Variants in RPS6KA3 observed in about 807,000 individuals in gnomAD.
RPS6KA3 encodes the protein ribosomal protein S6 kinase A3, also known as ribosomal protein S6 kinase alpha-3.
RPS6KA3 carries 4 observed loss-of-function variants against 67.2 expected under a neutral mutation model. That is an observed-to-expected ratio of 0.06 (90% CI 0.03 to 0.14). RPS6KA3 has a LOEUF of 0.14. Among genes scored for constraint, RPS6KA3 ranks in the 10% least tolerant of loss-of-function variants. The probability of loss-of-function intolerance (pLI) is 1.00; values close to 1 mark genes in which losing one functional copy is unlikely to be tolerated. For missense variants in RPS6KA3, 204 were observed against 559.0 expected (o/e 0.36, Z 6.40); for synonymous variants, 182 against 183.7 (o/e 0.99, Z 0.07).
intron 1 of RPS6KA3, among the ~76,000 whole-genome samples, chrX:20,259,277 G>A (rs2070158668): frequency 9.0e-6 from 1 of 111,277 alleles, no homozygotes; most frequent in East Asian, 2.8e-4. Context: ...GGCATAAAGT[G>A]GCATATAAGA....
At chrX:20,226,950 G>A (rs1456846542) in intron 2 of RPS6KA3, among the ~76,000 whole-genome samples, 1 of 111,745 alleles carries the variant, frequency 8.9e-6, no homozygotes, top group Non-Finnish European at 1.9e-5. Context: ...TCACTGCCGA[G>A]GTAAAGAATA....
intron 7 of RPS6KA3, among the ~76,000 whole-genome samples, chrX:20,193,075 C>T (rs1021299996): frequency 3.6e-5 from 4 of 111,078 alleles, no homozygotes; most frequent in East Asian, 2.8e-4. Context: ...GTCAGGAGTT[C>T]GAGACCAGCC....
intron 1 of RPS6KA3, among the ~76,000 whole-genome samples, chrX:20,263,989 A>C (rs2070305916): frequency 8.9e-6 from 1 of 112,090 alleles, no homozygotes; most frequent in Admixed American, 9.4e-5. Context: ...TACTCTGGTA[A>C]AATACAATTA....
intron 2 of RPS6KA3, among the ~76,000 whole-genome samples, chrX:20,216,318 C>A (rs974081490): frequency 9.0e-6 from 1 of 111,110 alleles, no homozygotes; most frequent in African/African-American, 3.3e-5. Flanking sequence ...CCTCCCTCAG[C>A]CTAGGTGTTC....
At chrX:20,176,667 C>T (rs1438999923) in intron 11 of RPS6KA3, among the ~76,000 whole-genome samples, 169 bp from the exon 12 acceptor site, 2 of 111,058 alleles carry the variant, frequency 1.8e-5, no homozygotes, top group Non-Finnish European at 3.8e-5. Context: ...TCTCAGTTCA[C>T]TGCAGCCTCA....
At position 20,219,994 on chromosome X, in the gene RPS6KA3, C is replaced by T. The variant is rs1321812017; in HGVS notation, c.127-10590G>A. 4.5e-5 allele frequency among the ~76,000 whole-genome samples: 5 copies of T among 111,354 alleles called. No homozygotes were observed. In the Admixed American group the frequency reaches 4.8e-4, roughly 11 times the overall value. ...TAGAAAATACCAAGAATAATCAGCTCACTTTCTGGATGAAGAAACTGTGGT... is the reference window on the plus strand; with the variant it reads ...TAGAAAATACCAAGAATAATCAGCTTACTTTCTGGATGAAGAAACTGTGGT... On this transcript the variant is annotated intron_variant, in intron 2 of 21. Coordinates refer to ENST00000379565, the MANE Select transcript of RPS6KA3 (RefSeq NM_004586.3).
intron 1 of RPS6KA3, among the ~76,000 whole-genome samples, chrX:20,251,193 GTGAAGATGGCTCAC>G (rs2069853765): frequency 8.9e-6 from 1 of 112,322 alleles, no homozygotes; most frequent in African/African-American, 3.2e-5. Flanking sequence ...GTGCAGTGGT[GTGAAGATGGCTCAC>G]TGGGGCCTTG....
At chrX:20,181,835 G>A (rs2067849803) in intron 10 of RPS6KA3, among the ~76,000 whole-genome samples, 1 of 111,570 alleles carries the variant, frequency 9.0e-6, no homozygotes, top group Non-Finnish European at 1.9e-5. Context: ...AGTAGTAACA[G>A]AAAGCATAGA....
intron 4 of RPS6KA3, among the ~76,000 whole-genome samples, chrX:20,199,264 G>A (rs1192921694): frequency 8.9e-6 from 1 of 112,019 alleles, no homozygotes; most frequent in African/African-American, 3.2e-5. Context: ...GAAGAAGAAG[G>A]AGAACACTGA....
At chrX:20,155,655 G>T in intron 21 of RPS6KA3, 135 bp from the exon 22 acceptor site, 1 of 786,974 alleles carries the variant, frequency 1.3e-6, no homozygotes, top group Non-Finnish European at 1.9e-6. Context: ...AACCACACTG[G>T]TCAAATCCAC....
intron 3 of RPS6KA3, among the ~76,000 whole-genome samples, chrX:20,207,444 T>C (rs1349939603): frequency 8.9e-6 from 1 of 112,319 alleles, no homozygotes; most frequent in Non-Finnish European, 1.9e-5. Flanking sequence ...CAGCTGTGCA[T>C]AAGAATTCAG....
At chrX:20,164,678 C>A (rs1472561841) in intron 18 of RPS6KA3, among the ~76,000 whole-genome samples, 1 of 111,455 alleles carries the variant, frequency 9.0e-6, no homozygotes, top group Non-Finnish European at 1.9e-5. Flanking sequence ...AGCCACCATG[C>A]CCTGCCTCAA....
chrX:20,215,573 T>TA (rs766996108), intron 2 of RPS6KA3, among the ~76,000 whole-genome samples: 13 of 111,938 alleles, frequency 1.2e-4, no homozygotes, highest in Non-Finnish European at 2.4e-4. Context: ...ATTACAGTAG[T>TA]ATAATAGGCA....
chrX:20,182,955 T>C (rs1239300741), intron 10 of RPS6KA3, among the ~76,000 whole-genome samples: 1 of 111,634 alleles, frequency 9.0e-6, no homozygotes, highest in African/African-American at 3.3e-5. Flanking sequence ...TCAATCTTTT[T>C]AATTTTAGCC....
intron 1 of RPS6KA3, among the ~76,000 whole-genome samples, chrX:20,252,131 G>A (rs2069890230): frequency 9.0e-6 from 1 of 111,505 alleles, no homozygotes; most frequent in Non-Finnish European, 1.9e-5. Context: ...GTATTTTTCA[G>A]TTCTAAAATT....
chrX:20,167,494 C>T, intron 17 of RPS6KA3, 95 bp downstream of exon 17: 1 of 839,792 alleles, frequency 1.2e-6, no homozygotes, highest in South Asian at 2.1e-5. Context: ...CAGTTATTTT[C>T]CATTTCAGGC....
At chrX:20,231,589 T>A (rs2069265562) in intron 2 of RPS6KA3, among the ~76,000 whole-genome samples, 2 of 111,715 alleles carry the variant, frequency 1.8e-5, no homozygotes, top group Non-Finnish European at 3.8e-5. Context: ...GTCAAAATAT[T>A]CAGGGGGATT....
At chrX:20,164,676 T>C (rs904536073) in intron 18 of RPS6KA3, among the ~76,000 whole-genome samples, 1 of 111,509 alleles carries the variant, frequency 9.0e-6, no homozygotes, top group Non-Finnish European at 1.9e-5. Flanking sequence ...TGAGCCACCA[T>C]GCCCTGCCTC....
At chrX:20,229,451 C>G in intron 2 of RPS6KA3, among the ~76,000 whole-genome samples, 1 of 111,799 alleles carries the variant, frequency 8.9e-6, no homozygotes, top group East Asian at 2.8e-4. Flanking sequence ...AACTCTACCC[C>G]TGGTCCACAC....
Sources: gnomAD v4.1 joint callset for allele counts (sites outside exome capture counted in the v4.1 genomes callset) on GRCh38, gnomAD v4.1.1 for gene constraint, MANE v1.5 for transcripts, NCBI Gene and HGNC (gene_info 2026-07-23, HGNC 2026-07-21) for gene names.